The following EPG5 variants were observed in gnomAD, a reference collection of about 807,000 sequenced individuals.
The protein encoded by EPG5 is ectopic P-granules 5 autophagy tethering factor.
In EPG5, 159 loss-of-function variants were observed where a neutral mutation model predicts 302.7. That is an observed-to-expected ratio of 0.53 (90% CI 0.46 to 0.60). EPG5 has a LOEUF of 0.60. Ranked by LOEUF, EPG5 falls within the 20% of genes least tolerant of loss-of-function variation. The probability of loss-of-function intolerance (pLI) is 0.00; values close to 1 mark genes in which losing one functional copy is unlikely to be tolerated. For missense variants in EPG5, 2,896 were observed against 3,092.4 expected (o/e 0.94, Z 1.51); for synonymous variants, 1,158 against 1,136.8 (o/e 1.02, Z -0.37).
At chr18:45,881,235 T>C (rs879051651) in intron 31 of EPG5, among the ~76,000 whole-genome samples, 1 of 152,364 alleles carries the variant, frequency 6.6e-6, no homozygotes, top group Admixed American at 6.5e-5. Context: ...AGTGGTCTAA[T>C]ATAAATGGTT....
At chr18:45,865,085 A>G (rs1386931655) in intron 39 of EPG5, among the ~76,000 whole-genome samples, 1 of 151,976 alleles carries the variant, frequency 6.6e-6, no homozygotes. Flanking sequence ...TCAGAACTCC[A>G]CCTACCTTTA....
At chr18:45,925,685 G>T in intron 14 of EPG5, 53 bp downstream of exon 14, 1 of 1,340,002 alleles carries the variant, frequency 7.5e-7, no homozygotes, top group Non-Finnish European at 9.8e-7. Context: ...ATCCTTCTTT[G>T]AAACAGATGC....
Position 45,882,493 on chromosome 18 carries a change from A to G in EPG5, c.5305-6T>C, listed in dbSNP as rs750326467. The G allele has an allele frequency of 8.8e-6, 14 of 1,598,624 alleles. No individual in the cohort carries two copies. Among genetic ancestry groups the G allele is most frequent in the Non-Finnish European group, 1.2e-5 (14 of 1,173,586 alleles). ...AACCATTGTTTAAGATCGAACTAAA[A>G]AGAAAAAGAAACAAAAAGCCGTTTT... On this transcript the variant is annotated splice_region_variant and splice_polypyrimidine_tract_variant and intron_variant, in intron 30 of 43. Transcript: ENST00000282041.
chr18:45,946,571 G>C, intron 7 of EPG5, 92 bp downstream of exon 7: 1 of 911,284 alleles, frequency 1.1e-6, no homozygotes, highest in East Asian at 2.5e-5. Context: ...AGAATTAAAT[G>C]AGATACTATG....
At chr18:45,909,360 G>A (rs2049838470) in intron 23 of EPG5, among the ~76,000 whole-genome samples, 1 of 152,168 alleles carries the variant, frequency 6.6e-6, no homozygotes, top group Non-Finnish European at 1.5e-5. Flanking sequence ...CCGTCCACTG[G>A]TTAAGGCTGG....
the EPG5 span, among the ~76,000 whole-genome samples, chr18:45,807,573 C>A: frequency 2.0e-5 from 3 of 152,192 alleles, no homozygotes; most frequent in Non-Finnish European, 2.9e-5. Context: ...AGAAAACTCC[C>A]AATACCAGAC....
intron 28 of EPG5, among the ~76,000 whole-genome samples, chr18:45,889,072 T>G (rs2145485321): frequency 6.6e-6 from 1 of 152,290 alleles, no homozygotes; most frequent in South Asian, 2.1e-4. Flanking sequence ...CCTGGTCTCC[T>G]CCTTCCCAGG....
intron 27 of EPG5, among the ~76,000 whole-genome samples, chr18:45,894,600 G>A (rs773617779): frequency 8.5e-5 from 13 of 152,136 alleles, no homozygotes; most frequent in Non-Finnish European, 1.0e-4. Flanking sequence ...ATCTCAATTC[G>A]ACTGCAAGAG....
intron 1 of EPG5, among the ~76,000 whole-genome samples, chr18:45,965,584 A>C (rs757026550): frequency 3.3e-5 from 5 of 152,250 alleles, no homozygotes; most frequent in Admixed American, 3.3e-4. Context: ...ATCGGATTAC[A>C]GTATCATGCT....
chr18:45,865,741 G>A lies in EPG5; in HGVS notation c.6640C>T (p.Gln2214Ter). 6.2e-7 allele frequency: 1 copy of A among 1,606,458 alleles called. No homozygotes were observed. Among genetic ancestry groups the A allele is most frequent in the Non-Finnish European group, 8.5e-7 (1 of 1,177,796 alleles). Reference protein sequence around the residue: ...QKHLDAVPKCQAFTHQMVQFL... With the variant: ...QKHLDAVPKC ...TGAACCATCTGATGAGTAAAAGCTTGGCATTTTGGAACTGCATCCTGACCA... is the reference window on the plus strand; with the variant it reads ...TGAACCATCTGATGAGTAAAAGCTTAGCATTTTGGAACTGCATCCTGACCA... Residue 2214 changes from glutamine to a stop codon, truncating the protein, a stop_gained, in exon 39 of 44, where the codon CAA (glutamine) becomes TAA (stop). Coordinates refer to ENST00000282041, the MANE Select transcript of EPG5 (RefSeq NM_020964.3). LOFTEE classifies it high-confidence loss of function.
At chr18:45,907,748 C>A in intron 24 of EPG5, 1 of 428,020 alleles carries the variant, frequency 2.3e-6, no homozygotes, top group Non-Finnish European at 4.0e-6. Context: ...TTCAAGCCTT[C>A]AGGTAGAAGG....
chr18:45,901,141 G>GC lies in EPG5; in HGVS notation c.4500dup (p.Arg1501AlafsTer4). ...GGAGGCTGGGGAGCCTCATGCTTCC[G>GC]CAAGTTACTTAAAACCCTTTCTTTA... On this transcript the variant is annotated frameshift_variant, in exon 26 of 44. Coordinates refer to ENST00000282041, the MANE Select transcript of EPG5 (RefSeq NM_020964.3). LOFTEE classifies it high-confidence loss of function. 6.2e-7 allele frequency: 1 copy of GC among 1,614,082 alleles called. No homozygotes were observed. Among genetic ancestry groups the GC allele is most frequent in the Non-Finnish European group, 8.5e-7 (1 of 1,180,020 alleles).
intron 42 of EPG5, among the ~76,000 whole-genome samples, chr18:45,856,924 T>C (rs2048526670): frequency 6.6e-6 from 1 of 152,156 alleles, no homozygotes; most frequent in Non-Finnish European, 1.5e-5. Context: ...TTATTCATTT[T>C]TTCTGTTTTT....
the EPG5 span, among the ~76,000 whole-genome samples, chr18:45,810,713 G>A: frequency 2.6e-5 from 4 of 152,096 alleles, no homozygotes; most frequent in Non-Finnish European, 4.4e-5. Context: ...CCTGGGAGGC[G>A]GAGGTTGCAG....
chr18:45,831,215 C>T, the EPG5 span, among the ~76,000 whole-genome samples: 3 of 152,314 alleles, frequency 2.0e-5, no homozygotes, highest in Admixed American at 1.3e-4. Flanking sequence ...CTGCTACACT[C>T]GCCTGCTGCC....
At chr18:45,937,227 C>CAT (rs202087194) in intron 10 of EPG5, among the ~76,000 whole-genome samples, 101 of 98,810 alleles carry the variant, frequency 1.0e-3, no homozygotes, top group Middle Eastern at 4.4e-3. Flanking sequence ...CATATATATA[C>CAT]ATATATATAC....
At chr18:45,832,537 G>A in the EPG5 span, among the ~76,000 whole-genome samples, 1 of 152,186 alleles carries the variant, frequency 6.6e-6, no homozygotes. Context: ...GGCCAGAGGT[G>A]GAATTGCCAC....
the EPG5 span, among the ~76,000 whole-genome samples, chr18:45,806,959 G>T: frequency 6.6e-6 from 1 of 152,296 alleles, no homozygotes; most frequent in Non-Finnish European, 1.5e-5. Flanking sequence ...TGGGAGGCAG[G>T]TATCGTGCGG....
chr18:45,881,110 G>A (rs2049089858), intron 31 of EPG5, among the ~76,000 whole-genome samples: 1 of 152,188 alleles, frequency 6.6e-6, no homozygotes, highest in South Asian at 2.1e-4. Flanking sequence ...AGCCAAGGAG[G>A]AGAAAGAAAC....
Sources: gnomAD v4.1 joint callset for allele counts (sites outside exome capture counted in the v4.1 genomes callset) on GRCh38, gnomAD v4.1.1 for gene constraint, MANE v1.5 for transcripts, NCBI Gene and HGNC (gene_info 2026-07-23, HGNC 2026-07-21) for gene names.